PIBF1: variants seen among roughly 807,000 people sequenced by gnomAD.
PIBF1 encodes the protein progesterone-induced-blocking factor 1.
In PIBF1, 90 loss-of-function variants were observed where a neutral mutation model predicts 112.5. That is an observed-to-expected ratio of 0.80 (90% CI 0.67 to 0.95). The LOEUF is 0.95. PIBF1 is among the 40% of genes least tolerant of loss of function. The probability of loss-of-function intolerance (pLI) is 0.00; values close to 1 mark genes in which losing one functional copy is unlikely to be tolerated. For missense variants in PIBF1, 915 were observed against 852.3 expected (o/e 1.07, Z -0.92); for synonymous variants, 301 against 288.6 (o/e 1.04, Z -0.44).
chr13:72,911,743 A>G lies in PIBF1; in HGVS notation c.1639+3062A>G, dbSNP rs75272348. On this transcript the variant is annotated intron_variant, in intron 12 of 17. Coordinates refer to ENST00000326291, the MANE Select transcript of PIBF1 (RefSeq NM_006346.4). ...TGACAAAAGAATGATACCCAAAATA[A>G]GAAAATATTGAGGAGAAAATATTCA... is the stretch of plus-strand genomic sequence containing the variant. Among the ~76,000 whole-genome samples, 116 of 152,366 alleles carry G rather than the reference A, an allele frequency of 7.6e-4. 11 individuals carry two copies. In the East Asian group the frequency reaches 0.022, roughly 29 times the overall value.
intron 10 of PIBF1, among the ~76,000 whole-genome samples, chr13:72,887,622 T>G (rs1488414577): frequency 1.3e-5 from 2 of 152,038 alleles, no homozygotes; most frequent in Non-Finnish European, 2.9e-5. Flanking sequence ...AGTACTTAAT[T>G]TTTTATTTTT....
chr13:72,827,753 T>G lies in PIBF1; in HGVS notation c.936T>G (p.Thr312=), dbSNP rs2036887791. Residue 312 remains threonine, a synonymous_variant, in exon 8 of 18, where the codon ACT becomes ACG. Transcript: ENST00000326291. ...LSKEVVTLEQ[T]VTLLQKDKEY... is the part of the protein sequence containing the mutation. ...TGTAGGTAGTCACCTTAGAGCAAACTGTTACTTTACTGCAAAAGGATAAAG... is the reference window on the plus strand; with the variant it reads ...TGTAGGTAGTCACCTTAGAGCAAACGGTTACTTTACTGCAAAAGGATAAAG... 1 of 1,587,930 alleles carries G rather than the reference T, an allele frequency of 6.3e-7. No homozygotes were observed. Among genetic ancestry groups the G allele is most frequent in the South Asian group, 1.2e-5 (1 of 84,806 alleles).
intron 16 of PIBF1, among the ~76,000 whole-genome samples, chr13:72,996,827 G>T (rs544621924): frequency 6.6e-6 from 1 of 152,026 alleles, no homozygotes; most frequent in Non-Finnish European, 1.5e-5. Context: ...ATATAAGTTG[G>T]ATCATTATAT....
Position 72,917,117 on chromosome 13 carries a change from G to T in PIBF1, c.1681G>T (p.Gly561Cys). 6.3e-7 allele frequency: 1 copy of T among 1,597,206 alleles called. No individual in the cohort carries two copies. The highest frequency in any genetic ancestry group is 8.5e-7 in the Non-Finnish European group (1 of 1,171,770). ...DEAERVLFSY[G>C]YGANVPTTAK... is the part of the protein sequence containing the mutation. ...GGCTGAAAGGGTTCTTTTTTCCTAC[G>T]GCTATGGTGCTAATGTTCCCACAAC... is the stretch of plus-strand genomic sequence containing the variant. Residue 561 changes from glycine to cysteine, a missense_variant, in exon 13 of 18, where the codon GGC becomes TGC. Coordinates refer to ENST00000326291, the MANE Select transcript of PIBF1 (RefSeq NM_006346.4).
At chr13:72,915,647 CT>C (rs2041064152) in intron 12 of PIBF1, among the ~76,000 whole-genome samples, 1 of 152,240 alleles carries the variant, frequency 6.6e-6, no homozygotes, top group African/African-American at 2.4e-5. Context: ...ATTTGGAGAA[CT>C]CATCTTGGAT....
chr13:72,976,803 G>T (rs898344904), intron 16 of PIBF1, among the ~76,000 whole-genome samples: 1 of 152,158 alleles, frequency 6.6e-6, no homozygotes, highest in African/African-American at 2.4e-5. Flanking sequence ...TCACTTGATT[G>T]TTCAGAGGAT....
rs539479299 is a variant in PIBF1 at position 72,909,693 on chromosome 13, A to G, written c.1639+1012A>G. ...TTTTTAGTAGAGACGGGGTTTCTCC[A>G]TGTTGGTTAGGCGGTCTCAAACTCC... On this transcript the variant is annotated intron_variant, in intron 12 of 17. Transcript: ENST00000326291. Among the ~76,000 whole-genome samples the G allele has an allele frequency of 1.0e-3, 158 of 152,044 alleles. 2 individuals are homozygous for G. Among genetic ancestry groups the G allele is most frequent in the African/African-American group, 3.5e-3 (145 of 41,506 alleles).
intron 10 of PIBF1, among the ~76,000 whole-genome samples, chr13:72,878,250 G>A (rs533748221): frequency 6.6e-6 from 1 of 151,864 alleles, no homozygotes; most frequent in South Asian, 2.1e-4. Context: ...TAGAAGTTTA[G>A]ATGATTGATT....
chr13:72,892,852 C>T (rs1292427338), intron 10 of PIBF1, among the ~76,000 whole-genome samples: 1 of 150,378 alleles, frequency 6.6e-6, no homozygotes, highest in East Asian at 2.0e-4. Context: ...AGTTAGGTCT[C>T]CTTCATATGT....
chr13:72,870,409 TG>T (rs898226051), intron 10 of PIBF1, among the ~76,000 whole-genome samples: 1 of 152,170 alleles, frequency 6.6e-6, no homozygotes, highest in African/African-American at 2.4e-5. Flanking sequence ...GATGAGAATC[TG>T]GAGAAAAATA....
intron 11 of PIBF1, among the ~76,000 whole-genome samples, chr13:72,901,391 G>A (rs1448780995): frequency 6.6e-6 from 1 of 151,936 alleles, no homozygotes; most frequent in African/African-American, 2.4e-5. Context: ...CACAATCAAA[G>A]AATCAAAAAG....
intron 5 of PIBF1, among the ~76,000 whole-genome samples, chr13:72,805,863 G>A (rs1016703959): frequency 6.6e-6 from 1 of 152,228 alleles, no homozygotes; most frequent in Admixed American, 6.5e-5. Flanking sequence ...TGTAATGCAT[G>A]AAGATTAGGA....
chr13:72,837,080 T>C (rs921861596), intron 9 of PIBF1, among the ~76,000 whole-genome samples: 6 of 152,054 alleles, frequency 3.9e-5, no homozygotes, highest in African/African-American at 1.4e-4. Context: ...GGCAAAGAAT[T>C]TCAAAATATA....
At chr13:73,011,026 AT>A (rs1380736335) in intron 17 of PIBF1, among the ~76,000 whole-genome samples, 2 of 151,494 alleles carry the variant, frequency 1.3e-5, no homozygotes, top group Non-Finnish European at 2.9e-5. Flanking sequence ...GGGTTTCACC[AT>A]GTTGGCCAGG....
At chr13:72,953,404 C>A (rs1463924149) in intron 14 of PIBF1, among the ~76,000 whole-genome samples, 1 of 152,138 alleles carries the variant, frequency 6.6e-6, no homozygotes, top group African/African-American at 2.4e-5. Flanking sequence ...TACTGTGAAT[C>A]CTGCTACTCC....
chr13:72,793,318 C>T (rs1017517258), intron 3 of PIBF1, among the ~76,000 whole-genome samples: 1 of 152,074 alleles, frequency 6.6e-6, no homozygotes, highest in Non-Finnish European at 1.5e-5. Flanking sequence ...TAAGATTTTA[C>T]TACTTAACTG....
intron 10 of PIBF1, among the ~76,000 whole-genome samples, chr13:72,877,738 T>TTTTTC (rs1199433830): frequency 6.6e-6 from 1 of 151,736 alleles, no homozygotes; most frequent in Non-Finnish European, 1.5e-5. Flanking sequence ...TCATTTCTTT[T>TTTTTC]TTTTCTTTTC....
intron 10 of PIBF1, among the ~76,000 whole-genome samples, chr13:72,879,763 A>G (rs1237749578): frequency 1.3e-5 from 2 of 152,208 alleles, no homozygotes; most frequent in East Asian, 3.9e-4. Flanking sequence ...GCAAGCTAAG[A>G]TTGGTTTGTG....
chr13:72,797,215 G>C lies in PIBF1; in HGVS notation c.553-692G>C, dbSNP rs181120166. On this transcript the variant is annotated intron_variant, in intron 4 of 17. Transcript: ENST00000326291. ...GTAAATAAAGCTTTGCCAAGAGCCTGGGATGAAAATAAAGAATACACTTTA... is the reference window on the plus strand; with the variant it reads ...GTAAATAAAGCTTTGCCAAGAGCCTCGGATGAAAATAAAGAATACACTTTA... 3.3e-5 allele frequency among the ~76,000 whole-genome samples: 5 copies of C among 152,202 alleles called. No homozygotes were observed. In the East Asian group the frequency reaches 9.7e-4, roughly 29 times the overall value.
Sources: gnomAD v4.1 joint callset for allele counts (sites outside exome capture counted in the v4.1 genomes callset) on GRCh38, gnomAD v4.1.1 for gene constraint, MANE v1.5 for transcripts, NCBI Gene and HGNC (gene_info 2026-07-23, HGNC 2026-07-21) for gene names.